Variants in UBE2G1 observed in about 807,000 individuals in gnomAD.
UBE2G1 encodes the protein ubiquitin conjugating enzyme E2 G1.
A neutral mutation model predicts 22.7 loss-of-function variants in UBE2G1; 5 were observed. That is an observed-to-expected ratio of 0.22 (90% CI 0.12 to 0.46). The LOEUF is 0.46. Among genes scored for constraint, UBE2G1 ranks in the 20% least tolerant of loss-of-function variants. The probability of loss-of-function intolerance (pLI) is 0.99; values close to 1 mark genes in which losing one functional copy is unlikely to be tolerated. For missense variants in UBE2G1, 88 were observed against 203.9 expected (o/e 0.43, Z 3.46); for synonymous variants, 74 against 67.5 (o/e 1.10, Z -0.47).
At chr17:4,358,367 G>A (rs1969930336) in intron 1 of UBE2G1, among the ~76,000 whole-genome samples, 1 of 152,002 alleles carries the variant, frequency 6.6e-6, no homozygotes, top group Non-Finnish European at 1.5e-5. Context: ...CCCATCTCAA[G>A]CGATGCTCCT....
intron 4 of UBE2G1, among the ~76,000 whole-genome samples, chr17:4,286,066 T>A (rs1968959525): frequency 6.6e-6 from 1 of 151,828 alleles, no homozygotes; most frequent in Non-Finnish European, 1.5e-5. Flanking sequence ...AAATCAATAC[T>A]ATGAAAATAT....
At chr17:4,351,815 A>G (rs1226264769) in intron 1 of UBE2G1, among the ~76,000 whole-genome samples, 1 of 152,206 alleles carries the variant, frequency 6.6e-6, no homozygotes, top group Non-Finnish European at 1.5e-5. Context: ...CTCTCTATAT[A>G]AACCTTAAAT....
intron 2 of UBE2G1, among the ~76,000 whole-genome samples, chr17:4,301,014 A>AT (rs1172458906): frequency 2.0e-5 from 3 of 151,930 alleles, no homozygotes; most frequent in Non-Finnish European, 2.9e-5. Flanking sequence ...GCCTAGTTCA[A>AT]TTTTTTTCCA....
chr17:4,340,812 T>C (rs1446574702), intron 1 of UBE2G1, among the ~76,000 whole-genome samples: 1 of 151,022 alleles, frequency 6.6e-6, no homozygotes. Context: ...CTCACAATGT[T>C]GACCAGGCTG....
intron 3 of UBE2G1, 141 bp downstream of exon 3, chr17:4,296,576 G>GTA: frequency 2.4e-6 from 2 of 844,268 alleles, no homozygotes; most frequent in South Asian, 2.7e-5. Flanking sequence ...AAAGGTTTTA[G>GTA]TACACAGCCA....
chr17:4,282,723 C>A, intron 5 of UBE2G1, 75 bp downstream of exon 5: 6 of 925,562 alleles, frequency 6.5e-6, no homozygotes, highest in South Asian at 3.4e-5. Context: ...ATTCAAATAC[C>A]CAAATCACAC....
chr17:4,337,333 A>G (rs1467664410), intron 1 of UBE2G1, among the ~76,000 whole-genome samples: 1 of 137,162 alleles, frequency 7.3e-6, no homozygotes, highest in Non-Finnish European at 1.6e-5. Context: ...AAAAAAAAAA[A>G]GAAAAGAAAA....
intron 1 of UBE2G1, among the ~76,000 whole-genome samples, chr17:4,318,718 T>C (rs1009278654): frequency 1.3e-5 from 2 of 152,204 alleles, no homozygotes; most frequent in Non-Finnish European, 2.9e-5. Flanking sequence ...AATACACCAG[T>C]GGTTCTCAAC....
chr17:4,318,554 T>G lies in UBE2G1; in HGVS notation c.47-11431A>C, dbSNP rs116938264. On this transcript the variant is annotated intron_variant, in intron 1 of 5. Coordinates refer to ENST00000396981, the MANE Select transcript of UBE2G1 (RefSeq NM_003342.5). Reference sequence around the variant, plus strand: ...CTTACACCTGGTACTACTCCTGCCCTTCTATAAACTTAGTTAGAAGTCAGT... The same window carrying G: ...CTTACACCTGGTACTACTCCTGCCCGTCTATAAACTTAGTTAGAAGTCAGT... 4.1e-3 allele frequency among the ~76,000 whole-genome samples: 619 copies of G among 151,264 alleles called. 2 individuals are homozygous for G. The highest frequency in any genetic ancestry group is 7.3e-3 in the Non-Finnish European group (496 of 68,032).
chr17:4,347,659 T>C (rs1385536168), intron 1 of UBE2G1, among the ~76,000 whole-genome samples: 1 of 151,996 alleles, frequency 6.6e-6, no homozygotes, highest in Admixed American at 6.6e-5. Flanking sequence ...ATTCTTTTAG[T>C]AGATACAGGT....
intron 1 of UBE2G1, among the ~76,000 whole-genome samples, chr17:4,349,212 C>G (rs1969815786): frequency 6.6e-6 from 1 of 152,012 alleles, no homozygotes; most frequent in African/African-American, 2.4e-5. Flanking sequence ...CCCAGCTACT[C>G]AGGATGCTGA....
chr17:4,280,325 C>T (rs1373670831), intron 5 of UBE2G1, among the ~76,000 whole-genome samples: 2 of 138,042 alleles, frequency 1.4e-5, no homozygotes, highest in Non-Finnish European at 3.0e-5. Context: ...GTGTGAGCCG[C>T]GGCACCTGGG....
intron 3 of UBE2G1, among the ~76,000 whole-genome samples, chr17:4,295,456 T>C (rs953806315): frequency 9.2e-5 from 14 of 152,250 alleles, no homozygotes; most frequent in Non-Finnish European, 2.9e-5. Context: ...TGGCTTCTAT[T>C]ACGTATTCCA....
At chr17:4,326,686 T>A (rs1345628925) in intron 1 of UBE2G1, among the ~76,000 whole-genome samples, 1 of 152,176 alleles carries the variant, frequency 6.6e-6, no homozygotes, top group Admixed American at 6.5e-5. Context: ...ACAACCCAAT[T>A]GTCAACCAAC....
intron 1 of UBE2G1, among the ~76,000 whole-genome samples, chr17:4,361,318 G>T (rs1415361577): frequency 1.3e-5 from 2 of 151,996 alleles, no homozygotes; most frequent in Non-Finnish European, 2.9e-5. Context: ...CTTGAGGTCA[G>T]GAGTTCAAGA....
chr17:4,328,056 C>T (rs985622097), intron 1 of UBE2G1, among the ~76,000 whole-genome samples: 1 of 152,098 alleles, frequency 6.6e-6, no homozygotes, highest in Non-Finnish European at 1.5e-5. Context: ...CTCTCAGTCT[C>T]ACTGTTAAAG....
rs368988618 is a variant in UBE2G1, at chr17:4,307,068, A to T, written c.102T>A (p.Asp34Glu). ...GFSAGLIDDN[D>E]LYRWEVLIIG... ...TAATAAGGACTTCCCATCGGTAGAG[A>T]TCATTGTCATCTATTAAACCTGCAG... The change falls in exon 2 of 6, where the codon GAT (aspartate) becomes GAA (glutamate). Residue 34 changes from aspartate to glutamate, a missense_variant. Around this residue, in one of 2 missense-constraint regions of UBE2G1, gnomAD observed 50 missense variants for 71.0 expected, o/e 0.70. Transcript: ENST00000396981. The T allele has an allele frequency of 6.2e-7, 1 of 1,613,990 alleles. No homozygotes were observed. Among genetic ancestry groups the T allele is most frequent in the Non-Finnish European group, 8.5e-7 (1 of 1,179,982 alleles).
chr17:4,345,831 T>C (rs769557509), intron 1 of UBE2G1: 5 of 152,088 alleles, frequency 3.3e-5, no homozygotes, highest in African/African-American at 9.7e-5. Context: ...CAAGTAAAAA[T>C]AGAACAGATT....
chr17:4,304,655 A>T (rs1304991727), intron 2 of UBE2G1, among the ~76,000 whole-genome samples: 1 of 150,312 alleles, frequency 6.7e-6, no homozygotes, highest in Non-Finnish European at 1.5e-5. Flanking sequence ...AGAGATAATC[A>T]CAGCAGCTTT....
Sources: allele counts gnomAD v4.1 joint callset (sites outside exome capture counted in the v4.1 genomes callset), GRCh38; gene constraint gnomAD v4.1.1; regional missense constraint gnomAD v4.1.1; transcripts MANE v1.5; gene names NCBI Gene and HGNC (gene_info 2026-07-23, HGNC 2026-07-21).